EPHA6: variants seen among roughly 807,000 people sequenced by gnomAD.
The protein encoded by EPHA6 is ephrin type-A receptor 6.
Under a neutral mutation model 112.0 loss-of-function variants are expected in EPHA6, and 50 were observed. That is an observed-to-expected ratio of 0.45 (90% confidence interval 0.36 to 0.56). The LOEUF (loss-of-function observed/expected upper bound fraction) is 0.56, where lower values mean the gene tolerates loss of function less well. EPHA6 is among the 20% of genes least tolerant of loss of function. The pLI is 0.00. For synonymous variants in EPHA6, 529 were observed against 490.7 expected (o/e 1.08, Z -1.03); for missense variants, 1,280 against 1,417.4 (o/e 0.90, Z 1.56).
intron 11 of EPHA6, among the ~76,000 whole-genome samples, chr3:97,546,963 C>T (rs1032745053): frequency 3.3e-5 from 5 of 152,274 alleles, no homozygotes; most frequent in East Asian, 1.9e-4. Flanking sequence ...GTTATCCATT[C>T]GTCTACTTTT....
intron 1 of EPHA6, among the ~76,000 whole-genome samples, chr3:96,851,306 G>T (rs1053366289): frequency 1.3e-5 from 2 of 152,082 alleles, no homozygotes; most frequent in Admixed American, 1.3e-4. Flanking sequence ...AATGTAAAGG[G>T]AATATAAACA....
chr3:97,220,693 G>C (rs912421424), intron 3 of EPHA6, among the ~76,000 whole-genome samples: 1 of 152,116 alleles, frequency 6.6e-6, no homozygotes, highest in Non-Finnish European at 1.5e-5. Context: ...TTATATCCAC[G>C]TGGTCTCTCC....
chr3:97,642,175 G>A (rs2094013734), intron 14 of EPHA6, among the ~76,000 whole-genome samples: 3 of 110,902 alleles, frequency 2.7e-5, no homozygotes, highest in South Asian at 6.4e-4. Flanking sequence ...CCCCAGCAGG[G>A]GCACACTGAC....
At chr3:97,571,925 C>A (rs2093336738) in intron 11 of EPHA6, among the ~76,000 whole-genome samples, 1 of 152,174 alleles carries the variant, frequency 6.6e-6, no homozygotes, top group South Asian at 2.1e-4. Context: ...GTATAGCACA[C>A]CATCAGCTTT....
At chr3:97,509,498 A>G (rs1358587430) in intron 10 of EPHA6, among the ~76,000 whole-genome samples, 1 of 152,040 alleles carries the variant, frequency 6.6e-6, no homozygotes, top group South Asian at 2.1e-4. Flanking sequence ...TTATTTAAGA[A>G]TGTTGAATAT....
intron 5 of EPHA6, among the ~76,000 whole-genome samples, chr3:97,328,601 C>T (rs1479470340): frequency 6.6e-6 from 1 of 151,840 alleles, no homozygotes; most frequent in Admixed American, 6.6e-5. Context: ...AAGTACTACT[C>T]GTTTGTCAGA....
intron 9 of EPHA6, among the ~76,000 whole-genome samples, chr3:97,479,717 T>A (rs1411166151): frequency 6.6e-6 from 1 of 152,202 alleles, no homozygotes; most frequent in Non-Finnish European, 1.5e-5. Context: ...TATTAGGGAA[T>A]CTTTATTCCT....
chr3:97,382,281 A>G (rs1277125433), intron 5 of EPHA6, among the ~76,000 whole-genome samples: 1 of 152,084 alleles, frequency 6.6e-6, no homozygotes, highest in African/African-American at 2.4e-5. Flanking sequence ...CTAAAAGAAA[A>G]GCCTCTTATG....
At chr3:96,921,418 T>C (rs545584984) in intron 2 of EPHA6, among the ~76,000 whole-genome samples, 1 of 152,194 alleles carries the variant, frequency 6.6e-6, no homozygotes, top group South Asian at 2.1e-4. Flanking sequence ...TTAAAGATGA[T>C]TGCTTTTCTC....
intron 3 of EPHA6, among the ~76,000 whole-genome samples, chr3:97,199,287 C>T (rs892097212): frequency 6.6e-6 from 1 of 152,052 alleles, no homozygotes; most frequent in South Asian, 2.1e-4. Flanking sequence ...AGGCAATTTC[C>T]TGGGCATGAT....
chr3:97,068,510 A>G (rs2046251394), intron 3 of EPHA6, among the ~76,000 whole-genome samples: 1 of 152,166 alleles, frequency 6.6e-6, no homozygotes. Context: ...GCCTTTGTCC[A>G]GAGCACCTAG....
chr3:97,581,117 C>A (rs539118044), intron 11 of EPHA6, among the ~76,000 whole-genome samples: 1 of 152,280 alleles, frequency 6.6e-6, no homozygotes, highest in Admixed American at 6.5e-5. Flanking sequence ...CTCTGTCTGT[C>A]TCTTAAATAC....
chr3:97,577,040 A>G (rs563571740), intron 11 of EPHA6, among the ~76,000 whole-genome samples: 2 of 152,260 alleles, frequency 1.3e-5, no homozygotes, highest in Admixed American at 1.3e-4. Flanking sequence ...ATTTAGAGAC[A>G]AGATCTCACT....
chr3:97,690,222 T>C (rs938755830), intron 14 of EPHA6, among the ~76,000 whole-genome samples: 1 of 152,230 alleles, frequency 6.6e-6, no homozygotes, highest in African/African-American at 2.4e-5. Flanking sequence ...AGCTGCTAAA[T>C]TGTTTTCCAA....
intron 2 of EPHA6, among the ~76,000 whole-genome samples, chr3:96,985,054 G>C (rs957238669): frequency 1.1e-4 from 16 of 152,144 alleles, no homozygotes; most frequent in African/African-American, 3.4e-4. Context: ...TGCACCCACT[G>C]TCCTGCCCCC....
rs147902163 is a variant in EPHA6 at position 96,876,766 on chromosome 3, T to C, written c.450+9877T>C. On this transcript the variant is annotated intron_variant, in intron 2 of 17. Transcript: ENST00000389672. ...CTTATGTCTATCTGGAATGTTCCCT[T>C]TTATCTCTCTTCACTCCAACCCCCA... 8.3e-4 allele frequency among the ~76,000 whole-genome samples: 126 copies of C among 152,164 alleles called. 1 individual carries two copies. The highest frequency in any genetic ancestry group is 2.9e-3 in the African/African-American group (122 of 41,542).
chr3:97,236,956 A>C (rs2078697002), intron 4 of EPHA6, among the ~76,000 whole-genome samples: 1 of 151,810 alleles, frequency 6.6e-6, no homozygotes. Flanking sequence ...TCTGCTTGTT[A>C]TCTCTTCTTC....
At chr3:97,654,239 CTT>C (rs1285336541) in intron 14 of EPHA6, among the ~76,000 whole-genome samples, 1 of 151,598 alleles carries the variant, frequency 6.6e-6, no homozygotes, top group African/African-American at 2.4e-5. Flanking sequence ...AATTTTATAC[CTT>C]ATATATAGAT....
At chr3:97,151,400 G>A (rs1450190050) in intron 3 of EPHA6, among the ~76,000 whole-genome samples, 1 of 152,060 alleles carries the variant, frequency 6.6e-6, no homozygotes, top group East Asian at 1.9e-4. Flanking sequence ...TAATTTTTGT[G>A]TTTTACAGTG....
Sources: gnomAD v4.1 joint callset for allele counts (sites outside exome capture counted in the v4.1 genomes callset) on GRCh38, gnomAD v4.1.1 for gene constraint, MANE v1.5 for transcripts, NCBI Gene and HGNC (gene_info 2026-07-23, HGNC 2026-07-21) for gene names.